The following MICU1 variants were observed in gnomAD, a reference collection of about 807,000 sequenced individuals.
The protein encoded by MICU1 is calcium uptake protein 1, mitochondrial.
A neutral mutation model predicts 56.8 loss-of-function variants in MICU1; 45 were observed. The ratio of observed to expected loss-of-function variants is 0.79; its 90% CI spans 0.62 to 1.02. The LOEUF (loss-of-function observed/expected upper bound fraction) is 1.02, where lower values mean the gene tolerates loss of function less well. MICU1 is among the 50% of genes least tolerant of loss of function. The probability of loss-of-function intolerance (pLI) is 0.00; values close to 1 mark genes in which losing one functional copy is unlikely to be tolerated. For synonymous variants in MICU1, 186 were observed against 195.1 expected (o/e 0.95, Z 0.39); for missense variants, 504 against 587.1 (o/e 0.86, Z 1.46).
chr10:72,422,035 C>T (rs1423215914), intron 9 of MICU1, among the ~76,000 whole-genome samples: 1 of 152,128 alleles, frequency 6.6e-6, no homozygotes, highest in African/African-American at 2.4e-5. Context: ...TGGACTGACC[C>T]CACCCCCTAC....
At chr10:72,532,857 A>G in intron 5 of MICU1, 1 of 1,124,080 alleles carries the variant, frequency 8.9e-7, no homozygotes, top group Non-Finnish European at 1.1e-6. Context: ...CACTTGTATA[A>G]AAGAGCTCAA....
chr10:72,482,319 C>CA (rs887205743), intron 6 of MICU1, among the ~76,000 whole-genome samples: 1 of 152,124 alleles, frequency 6.6e-6, no homozygotes, highest in Non-Finnish European at 1.5e-5. Flanking sequence ...AGATTCTAAA[C>CA]AAGTTTCTTA....
intron 5 of MICU1, chr10:72,523,996 A>G (rs1867897931): frequency 7.9e-7 from 1 of 1,273,852 alleles, no homozygotes; most frequent in Admixed American, 3.9e-5. Flanking sequence ...CAACCAAGCA[A>G]CTGCTTATTT....
chr10:72,465,309 GTT>G (rs58604429), intron 8 of MICU1, among the ~76,000 whole-genome samples: 4,293 of 121,912 alleles, frequency 0.035, 174 homozygotes, highest in African/African-American at 0.12. Flanking sequence ...ATAGTTTTTT[GTT>G]TTTTTTTTTT....
At chr10:72,504,020 G>C (rs566432915) in intron 6 of MICU1, among the ~76,000 whole-genome samples, 1 of 151,994 alleles carries the variant, frequency 6.6e-6, no homozygotes. Context: ...CATACTCATG[G>C]GTTGGCAGAA....
At chr10:72,422,463 C>G (rs1209211787) in intron 9 of MICU1, among the ~76,000 whole-genome samples, 1 of 152,196 alleles carries the variant, frequency 6.6e-6, no homozygotes, top group Non-Finnish European at 1.5e-5. Flanking sequence ...TTCCCACTTT[C>G]CAGAGCCTCC....
At chr10:72,377,506 G>A (rs964109426) in intron 10 of MICU1, among the ~76,000 whole-genome samples, 24 of 152,016 alleles carry the variant, frequency 1.6e-4, no homozygotes, top group Admixed American at 3.9e-4. Context: ...TTCTCTTGCC[G>A]TTTTCTCTTT....
chr10:72,439,913 G>A (rs973279558), intron 8 of MICU1, among the ~76,000 whole-genome samples: 2 of 152,142 alleles, frequency 1.3e-5, no homozygotes, highest in Non-Finnish European at 2.9e-5. Flanking sequence ...ACAAACAAAT[G>A]GAAGAACATT....
rs138640512 is a variant in MICU1 at position 72,625,665 on chromosome 10, C to T, written c.-2+345G>A. Among the ~76,000 whole-genome samples the T allele has an allele frequency of 2.6e-5, 4 of 152,306 alleles. No individual in the cohort carries two copies. The East Asian group carries it at 7.7e-4, about 29-fold the overall frequency. ...CCACATCCACAAATTCCAGGAGAGC[C>T]AGTCAAGGCTACCAGAGTGTCCCAG... On this transcript the variant is annotated intron_variant, in intron 1 of 11. Coordinates refer to ENST00000361114, the MANE Select transcript of MICU1 (RefSeq NM_001195518.2).
chr10:72,423,410 G>C, intron 8 of MICU1, 39 bp from the exon 9 acceptor site: 1 of 1,602,286 alleles, frequency 6.2e-7, no homozygotes, highest in South Asian at 1.1e-5. Context: ...AGGGTCAATG[G>C]AAAGTATTTT....
Position 72,368,258 on chromosome 10 carries a change from G to T in MICU1, c.1368C>A (p.Leu456=). ...EKPKDMGFTR[L]MQAMWKCAQE... ...GTGCACATTTCCACATGGCCTGCAT[G>T]AGGCGAGTGAAACCCATGTCTTTGG... The change falls in exon 12 of 12, where the codon CTC becomes CTA. Residue 456 remains leucine, a synonymous_variant. Coordinates refer to ENST00000361114, the MANE Select transcript of MICU1 (RefSeq NM_001195518.2). The T allele has an allele frequency of 6.2e-7, 1 of 1,614,018 alleles. No homozygotes were observed. The highest frequency in any genetic ancestry group is 8.5e-7 in the Non-Finnish European group (1 of 1,179,894).
intron 5 of MICU1, among the ~76,000 whole-genome samples, chr10:72,512,107 G>GTTTT (rs869183579): frequency 3.4e-4 from 10 of 29,502 alleles, no homozygotes; most frequent in African/African-American, 6.5e-4. Context: ...GTTGTTTTTT[G>GTTTT]TTTTTTTTTT....
At chr10:72,556,678 C>A (rs1446581869) in intron 3 of MICU1, among the ~76,000 whole-genome samples, 1 of 152,028 alleles carries the variant, frequency 6.6e-6, no homozygotes, top group African/African-American at 2.4e-5. Flanking sequence ...AATAAGTCCC[C>A]AAATTAATAA....
At chr10:72,477,363 T>A (rs1866156612) in intron 6 of MICU1, 107 bp from the exon 7 acceptor site, 1 of 1,163,734 alleles carries the variant, frequency 8.6e-7, no homozygotes, top group East Asian at 2.6e-5. Flanking sequence ...AAAGTCACCA[T>A]AAAAGTGACT....
At chr10:72,594,752 G>A (rs1297764769) in intron 1 of MICU1, among the ~76,000 whole-genome samples, 3 of 151,436 alleles carry the variant, frequency 2.0e-5, no homozygotes, top group African/African-American at 4.8e-5. Context: ...TGTTTAGAAT[G>A]TTTTCTTTAA....
Position 72,450,726 on chromosome 10 carries a change from C to CTT in MICU1, c.933+24372_933+24373dup, listed in dbSNP as rs34091247. Among the ~76,000 whole-genome samples the CTT allele has an allele frequency of 5.4e-3, 701 of 128,760 alleles. 8 individuals carry two copies. The highest frequency in any genetic ancestry group is 0.018 in the African/African-American group (641 of 36,326). 84.5% of individuals were successfully genotyped at this position (128,760 alleles called of 152,430 possible). A position where few individuals can be genotyped will look rare whatever the true frequency, so the allele number is the denominator to read the frequency against. Reference sequence around the variant, plus strand: ...TCCTTAAATCTTTATTTTTTTAATTCTTTTTTTTTTTTTTTTGAGATGGGA... The same window carrying CTT: ...TCCTTAAATCTTTATTTTTTTAATTCTTTTTTTTTTTTTTTTTTGAGATGGGA... On this transcript the variant is annotated intron_variant, in intron 8 of 11. Coordinates refer to ENST00000361114, the MANE Select transcript of MICU1 (RefSeq NM_001195518.2).
chr10:72,473,121 C>T (rs1564889499), intron 8 of MICU1: 2 of 151,830 alleles, frequency 1.3e-5, no homozygotes, highest in East Asian at 1.9e-4. Flanking sequence ...AAAAGCATCA[C>T]CAAATTTCTA....
intron 8 of MICU1, among the ~76,000 whole-genome samples, chr10:72,438,002 T>C (rs1423116362): frequency 6.6e-6 from 1 of 152,072 alleles, no homozygotes; most frequent in Non-Finnish European, 1.5e-5. Flanking sequence ...GACAGAAAGT[T>C]AACAAGGATA....
At chr10:72,384,168 AT>A (rs1862813607) in intron 10 of MICU1, among the ~76,000 whole-genome samples, 1 of 151,568 alleles carries the variant, frequency 6.6e-6, no homozygotes, top group South Asian at 2.1e-4. Flanking sequence ...TAATTTTTGT[AT>A]TTTTTTGTAG....
Sources: gnomAD v4.1 joint callset for allele counts (sites outside exome capture counted in the v4.1 genomes callset) on GRCh38, gnomAD v4.1.1 for gene constraint, MANE v1.5 for transcripts, NCBI Gene and HGNC (gene_info 2026-07-23, HGNC 2026-07-21) for gene names.